Variants in METTL15 observed in about 807,000 individuals in gnomAD.
The protein encoded by METTL15 is 12S rRNA N(4)-cytidine methyltransferase METTL15.
Under a neutral mutation model 38.3 loss-of-function variants are expected in METTL15, and 34 were observed. That is an observed-to-expected ratio of 0.89 (90% CI 0.68 to 1.18). The LOEUF (loss-of-function observed/expected upper bound fraction) is 1.18. Ranked by LOEUF, METTL15 falls within the 50% of genes most tolerant of loss-of-function variation. The probability of loss-of-function intolerance (pLI) is 0.00; values close to 1 mark genes in which losing one functional copy is unlikely to be tolerated. For missense variants in METTL15, 438 were observed against 498.4 expected, an observed-to-expected ratio of 0.88 and a Z score of 1.15; for synonymous variants, 162 against 170.9, an observed-to-expected ratio of 0.95 and a Z score of 0.41.
chr11:28,185,653 C>T (rs983167244), intron 3 of METTL15, among the ~76,000 whole-genome samples: 1 of 151,088 alleles, frequency 6.6e-6, no homozygotes, highest in African/African-American at 2.4e-5. Context: ...GATTATTTCC[C>T]TTTGATGCTT....
chr11:28,513,858 G>A (rs1464291503), intron 6 of METTL15, among the ~76,000 whole-genome samples: 3 of 152,236 alleles, frequency 2.0e-5, no homozygotes, highest in Non-Finnish European at 2.9e-5. Flanking sequence ...GGCGGGCCAG[G>A]TGTTCTTTGC....
chr11:28,135,923 G>T (rs1195975741), intron 3 of METTL15, among the ~76,000 whole-genome samples: 1 of 152,108 alleles, frequency 6.6e-6, no homozygotes, highest in Non-Finnish European at 1.5e-5. Context: ...AGTCCATTCT[G>T]TTAACTCTTG....
At chr11:28,220,545 C>G (rs1396855859) in intron 4 of METTL15, among the ~76,000 whole-genome samples, 2 of 152,112 alleles carry the variant, frequency 1.3e-5, no homozygotes, top group African/African-American at 2.4e-5. Context: ...TTAATTGGAG[C>G]ATTTAGCCCA....
In METTL15 at chr11:28,477,353, G is replaced by GT. The variant is rs536576325; in HGVS notation, c.*425-49117dup. On this transcript the variant is annotated intron_variant and NMD_transcript_variant, in intron 6 of 7. Transcript: ENST00000532947. ...CACCATGCCTGGCTAATTTTTGTGGGTTTTTTTTCAGCAGAGATGGGGTTT... is the reference window on the plus strand; with the variant it reads ...CACCATGCCTGGCTAATTTTTGTGGGTTTTTTTTTCAGCAGAGATGGGGTTT... 6.1e-4 allele frequency: 93 copies of GT among 151,792 alleles called. 2 individuals carry two copies. In the South Asian group the frequency reaches 0.016, roughly 26 times the overall value. 9.4% of individuals were successfully genotyped at this position (151,792 alleles called of 1,614,324 possible). A position where few individuals can be genotyped will look rare whatever the true frequency, so the allele number is the denominator to read the frequency against.
chr11:28,373,602 G>C (rs934410708), intron 5 of METTL15, among the ~76,000 whole-genome samples: 2 of 151,712 alleles, frequency 1.3e-5, no homozygotes, highest in African/African-American at 4.8e-5. Context: ...CTTTTGCTGT[G>C]CAGAAGCTCT....
chr11:28,376,567 G>A (rs7129440), intron 5 of METTL15, among the ~76,000 whole-genome samples: 64,146 of 151,784 alleles, frequency 0.42, 14,955 homozygotes, highest in Admixed American at 0.54. Context: ...GTCTCTGCAC[G>A]TGAGATGGGT....
At chr11:28,500,601 C>T (rs907430178) in intron 6 of METTL15, among the ~76,000 whole-genome samples, 7 of 151,618 alleles carry the variant, frequency 4.6e-5, no homozygotes, top group Non-Finnish European at 4.4e-5. Context: ...GGCGAGATCT[C>T]GGCTCACTGC....
chr11:28,161,729 C>T (rs1035322259), intron 3 of METTL15, among the ~76,000 whole-genome samples: 2 of 149,122 alleles, frequency 1.3e-5, no homozygotes, highest in African/African-American at 5.0e-5. Context: ...AACTTTACAT[C>T]TTGAAAAAAA....
chr11:28,235,413 C>CA (rs1853908663), intron 4 of METTL15, among the ~76,000 whole-genome samples: 2 of 151,824 alleles, frequency 1.3e-5, no homozygotes, highest in African/African-American at 4.8e-5. Flanking sequence ...GCCATTTTCA[C>CA]GATATTGATT....
At chr11:28,502,071 A>T (rs533973779) in intron 6 of METTL15, among the ~76,000 whole-genome samples, 13 of 149,294 alleles carry the variant, frequency 8.7e-5, no homozygotes, top group Admixed American at 3.4e-4. Context: ...ACTGCACTTC[A>T]GCCTGGGCAG....
At chr11:28,258,520 T>C (rs983207849) in intron 4 of METTL15, among the ~76,000 whole-genome samples, 2 of 152,098 alleles carry the variant, frequency 1.3e-5, no homozygotes, top group African/African-American at 4.8e-5. Flanking sequence ...CCAGGGACTA[T>C]AGTCAAAAAT....
intron 6 of METTL15, among the ~76,000 whole-genome samples, chr11:28,467,102 T>G (rs1478499910): frequency 6.6e-6 from 1 of 152,112 alleles, no homozygotes; most frequent in African/African-American, 2.4e-5. Context: ...ATTAGCACAG[T>G]GTCATTGGTT....
chr11:28,435,283 C>T (rs1410486947), intron 6 of METTL15, among the ~76,000 whole-genome samples: 1 of 152,146 alleles, frequency 6.6e-6, no homozygotes, highest in Non-Finnish European at 1.5e-5. Context: ...AAAGTATTTG[C>T]TCTAAACATA....
chr11:28,471,206 A>G (rs1851300402), intron 6 of METTL15, among the ~76,000 whole-genome samples: 2 of 152,112 alleles, frequency 1.3e-5, no homozygotes, highest in South Asian at 4.1e-4. Context: ...CAGAGTAAGC[A>G]TACTAGCAAC....
intron 6 of METTL15, among the ~76,000 whole-genome samples, chr11:28,450,734 T>C (rs577495592): frequency 7.4e-4 from 112 of 152,362 alleles, no homozygotes; most frequent in Non-Finnish European, 1.5e-3. Flanking sequence ...GATATGTATA[T>C]GCACAATATT....
In METTL15 at chr11:28,231,710, G is replaced by A. The variant is rs143711807; in HGVS notation, c.407+20512G>A. 6.7e-4 allele frequency among the ~76,000 whole-genome samples: 101 copies of A among 151,800 alleles called. 1 individual carries two copies. Among genetic ancestry groups the A allele is most frequent in the Admixed American group, 1.1e-3 (16 of 15,208 alleles). On this transcript the variant is annotated intron_variant, in intron 4 of 6. Coordinates refer to ENST00000407364, the MANE Select transcript of METTL15 (RefSeq NM_001113528.2). ...TCTATGTGCTGTTTATTTACGTAGC[G>A]TTATTCATCCCACTTATGTTTCAAG...
chr11:28,431,764 A>G (rs1446877433), intron 6 of METTL15, among the ~76,000 whole-genome samples: 1 of 101,486 alleles, frequency 9.9e-6, no homozygotes, highest in Non-Finnish European at 2.0e-5. Context: ...AGAAACACCC[A>G]AGAATTATCA....
At chr11:28,122,349 GTGTGTGTGTGTGTGTGTGTGTGTATATA>G (rs980752659) in intron 3 of METTL15, among the ~76,000 whole-genome samples, 2 of 98,002 alleles carry the variant, frequency 2.0e-5, no homozygotes, top group Non-Finnish European at 4.2e-5. Flanking sequence ...GTGTGTGTGT[GTGTGTGTGTGTGTGTGTGTGTGTATATA>G]TATATATATA....
intron 6 of METTL15, among the ~76,000 whole-genome samples, chr11:28,480,671 A>G (rs191812177): frequency 9.8e-5 from 15 of 152,314 alleles, no homozygotes; most frequent in Non-Finnish European, 1.3e-4. Flanking sequence ...AAGGCCTTGC[A>G]ATCGTATATT....
Sources: allele counts gnomAD v4.1 joint callset (sites outside exome capture counted in the v4.1 genomes callset), GRCh38; gene constraint gnomAD v4.1.1; transcripts MANE v1.5; gene names NCBI Gene and HGNC (gene_info 2026-07-23, HGNC 2026-07-21).